Variants in WWOX observed in about 807,000 individuals in gnomAD.
WWOX encodes the protein WW domain-containing oxidoreductase.
Under a neutral mutation model 46.2 loss-of-function variants are expected in WWOX, and 69 were observed. The observed-to-expected ratio is 1.49, with a 90% CI of 1.23 to 1.82. The LOEUF is 1.82. Among genes scored for constraint, WWOX ranks in the 40% most tolerant of loss-of-function variants. The pLI is 0.00. For synonymous variants in WWOX, 359 were observed against 202.6 expected (o/e 1.77, Z -6.56); for missense variants, 919 against 542.6 (o/e 1.69, Z -6.89).
In WWOX at chr16:78,115,167, CTTAG is replaced by C; in HGVS notation, c.409+17_409+20del. On this transcript the variant is annotated intron_variant, in intron 4 of 8. Coordinates refer to ENST00000566780, the MANE Select transcript of WWOX (RefSeq NM_016373.4). ...AATTCAGGAATAGGTAGGCTCTTCA[CTTAG>C]TTATTTATCTTTGGGACTGCTATAA... is the stretch of plus-strand genomic sequence containing the variant. The C allele has an allele frequency of 1.2e-6, 2 of 1,614,132 alleles. No individual in the cohort carries two copies. Among genetic ancestry groups the C allele is most frequent in the East Asian group, 2.2e-5 (1 of 44,882 alleles).
intron 8 of WWOX, among the ~76,000 whole-genome samples, chr16:78,807,570 C>G (rs1261459280): frequency 6.6e-6 from 1 of 152,192 alleles, no homozygotes; most frequent in African/African-American, 2.4e-5. Context: ...TCAAATGTGG[C>G]AAATGTGGAG....
intron 8 of WWOX, among the ~76,000 whole-genome samples, chr16:78,770,858 G>A (rs976088901): frequency 2.6e-5 from 4 of 152,270 alleles, no homozygotes; most frequent in Non-Finnish European, 5.9e-5. Flanking sequence ...CGTCATCTGT[G>A]GACGGTTGGC....
chr16:78,953,300 T>C (rs72808737), intron 8 of WWOX, among the ~76,000 whole-genome samples: 34,705 of 146,268 alleles, frequency 0.24, 4,259 homozygotes, highest in Middle Eastern at 0.35. Context: ...ACAATTATAG[T>C]GGGGGGTGGG....
At chr16:78,970,594 A>G (rs1486698827) in intron 8 of WWOX, among the ~76,000 whole-genome samples, 1 of 152,232 alleles carries the variant, frequency 6.6e-6, no homozygotes, top group Non-Finnish European at 1.5e-5. Flanking sequence ...TCAAGGTAGA[A>G]GGAACAGTAT....
At chr16:78,600,599 C>A (rs982039533) in intron 8 of WWOX, among the ~76,000 whole-genome samples, 2 of 152,080 alleles carry the variant, frequency 1.3e-5, no homozygotes, top group Non-Finnish European at 2.9e-5. Context: ...GGTGAAGGAC[C>A]CATCTTGTGA....
intron 8 of WWOX, among the ~76,000 whole-genome samples, chr16:78,533,216 G>A (rs1394418440): frequency 6.6e-6 from 1 of 152,112 alleles, no homozygotes; most frequent in African/African-American, 2.4e-5. Context: ...TGACGGAGAG[G>A]GGACAGGAGG....
intron 8 of WWOX, among the ~76,000 whole-genome samples, chr16:78,768,119 C>T (rs953596028): frequency 6.7e-6 from 1 of 149,582 alleles, no homozygotes; most frequent in Admixed American, 6.7e-5. Flanking sequence ...AATTGTAATT[C>T]TTGGCTTTGG....
chr16:78,804,857 G>A (rs1239960937), intron 8 of WWOX, among the ~76,000 whole-genome samples: 1 of 152,240 alleles, frequency 6.6e-6, no homozygotes, highest in Non-Finnish European at 1.5e-5. Context: ...TCCTTAGGAT[G>A]TAGCCATGAC....
chr16:78,410,750 C>A (rs1423014101), intron 6 of WWOX, among the ~76,000 whole-genome samples: 8 of 139,454 alleles, frequency 5.7e-5, no homozygotes, highest in African/African-American at 2.2e-4. Context: ...AGGTTGTGGT[C>A]AACTGAGATC....
chr16:79,079,492 TG>T (rs1309850305), intron 8 of WWOX, among the ~76,000 whole-genome samples: 2 of 152,218 alleles, frequency 1.3e-5, no homozygotes, highest in Non-Finnish European at 2.9e-5. Flanking sequence ...AGAGGTTGTT[TG>T]CCCCAACCCC....
intron 8 of WWOX, among the ~76,000 whole-genome samples, chr16:78,476,637 G>A (rs1216308040): frequency 6.6e-6 from 1 of 151,558 alleles, no homozygotes; most frequent in African/African-American, 2.4e-5. Flanking sequence ...AAAAGAACTG[G>A]AGCATCGACT....
chr16:78,857,742 T>G (rs2052600100), intron 8 of WWOX, among the ~76,000 whole-genome samples: 1 of 152,246 alleles, frequency 6.6e-6, no homozygotes, highest in South Asian at 2.1e-4. Context: ...CTTTGACTCA[T>G]GCTCATAACT....
At chr16:78,394,927 C>T (rs1182838469) in intron 6 of WWOX, among the ~76,000 whole-genome samples, 1 of 152,166 alleles carries the variant, frequency 6.6e-6, no homozygotes, top group Admixed American at 6.5e-5. Context: ...GGGCAAACTA[C>T]TGAAAATCTC....
intron 8 of WWOX, among the ~76,000 whole-genome samples, chr16:78,590,508 T>C (rs184131808): frequency 7.5e-4 from 115 of 152,320 alleles, no homozygotes; most frequent in African/African-American, 2.7e-3. Context: ...GGAAAGGTTT[T>C]TAGGGAGCAG....
chr16:78,611,199 A>C (rs143102089), intron 8 of WWOX, among the ~76,000 whole-genome samples: 1 of 152,304 alleles, frequency 6.6e-6, no homozygotes, highest in African/African-American at 2.4e-5. Flanking sequence ...ACAAGGGAGT[A>C]ATTTGTGATT....
At chr16:78,507,580 CA>C (rs1159739780) in intron 8 of WWOX, among the ~76,000 whole-genome samples, 6 of 152,164 alleles carry the variant, frequency 3.9e-5, no homozygotes, top group Admixed American at 2.6e-4. Flanking sequence ...CTTGAGTAAG[CA>C]GGCATGCAAC....
At chr16:78,572,202 A>G (rs187418018) in intron 8 of WWOX, among the ~76,000 whole-genome samples, 1 of 152,296 alleles carries the variant, frequency 6.6e-6, no homozygotes, top group Admixed American at 6.5e-5. Context: ...GGGGAAATTA[A>G]TGGTGGCACA....
chr16:78,503,408 C>A (rs1163441059), intron 8 of WWOX, among the ~76,000 whole-genome samples: 1 of 151,992 alleles, frequency 6.6e-6, no homozygotes, highest in Non-Finnish European at 1.5e-5. Flanking sequence ...CCCCCATACT[C>A]CAGATCTTCA....
chr16:78,460,626 G>A (rs1263925484), intron 8 of WWOX, among the ~76,000 whole-genome samples: 2 of 152,192 alleles, frequency 1.3e-5, no homozygotes, highest in African/African-American at 2.4e-5. Flanking sequence ...GAAAGAGGGA[G>A]AACTGATGTG....
Sources: allele counts gnomAD v4.1 joint callset (sites outside exome capture counted in the v4.1 genomes callset), GRCh38; gene constraint gnomAD v4.1.1; transcripts MANE v1.5; gene names NCBI Gene and HGNC (gene_info 2026-07-23, HGNC 2026-07-21).